Variants in GALNT17 observed in about 807,000 individuals in gnomAD.
The protein encoded by GALNT17 is UDP-GalNAc:polypeptide N-acetylgalactosaminyltransferase-like 3.
Under a neutral mutation model 63.7 loss-of-function variants are expected in GALNT17, and 29 were observed. That is an observed-to-expected ratio of 0.46 (90% CI 0.34 to 0.62). GALNT17 has a LOEUF of 0.62. Ranked by LOEUF, GALNT17 falls within the 20% of genes least tolerant of loss-of-function variation. The probability of loss-of-function intolerance (pLI) is 0.01; values close to 1 mark genes in which losing one functional copy is unlikely to be tolerated. For missense variants in GALNT17, 603 were observed against 799.6 expected, an observed-to-expected ratio of 0.75 and a Z score of 2.97; for synonymous variants, 305 against 318.3, an observed-to-expected ratio of 0.96 and a Z score of 0.45.
chr7:71,338,688 G>A (rs1361534461), intron 2 of GALNT17, among the ~76,000 whole-genome samples: 2 of 152,092 alleles, frequency 1.3e-5, no homozygotes, highest in Non-Finnish European at 2.9e-5. Flanking sequence ...CTCCACCTCC[G>A]CTTCTCAAAC....
At chr7:71,288,270 A>T (rs150792501) in intron 1 of GALNT17, among the ~76,000 whole-genome samples, 1 of 150,960 alleles carries the variant, frequency 6.6e-6, no homozygotes, top group Admixed American at 6.6e-5. Flanking sequence ...TGTGCTGTTC[A>T]TTAAATAGAA....
intron 1 of GALNT17, among the ~76,000 whole-genome samples, chr7:71,289,205 CTTTT>C (rs35418833): frequency 1.7e-5 from 2 of 117,922 alleles, no homozygotes; most frequent in African/African-American, 3.2e-5. Flanking sequence ...CTGACCACGT[CTTTT>C]TTTTTTTTTT....
At chr7:71,339,305 G>T (rs1791966966) in intron 2 of GALNT17, among the ~76,000 whole-genome samples, 2 of 152,202 alleles carry the variant, frequency 1.3e-5, no homozygotes, top group South Asian at 4.1e-4. Context: ...GTATGTGCCG[G>T]CTAGAGATTC....
At chr7:71,467,549 A>G (rs769739098) in intron 5 of GALNT17, among the ~76,000 whole-genome samples, 4 of 152,160 alleles carry the variant, frequency 2.6e-5, no homozygotes, top group Non-Finnish European at 4.4e-5. Flanking sequence ...CAAAGTTAGG[A>G]ACATCTCACT....
intron 3 of GALNT17, among the ~76,000 whole-genome samples, chr7:71,392,548 T>C (rs1793069135): frequency 6.6e-6 from 1 of 152,304 alleles, no homozygotes; most frequent in South Asian, 2.1e-4. Flanking sequence ...TTACGTAGCT[T>C]GTGTGGGGAG....
intron 5 of GALNT17, among the ~76,000 whole-genome samples, chr7:71,431,608 G>A (rs1786868114): frequency 6.6e-6 from 1 of 152,132 alleles, no homozygotes; most frequent in Non-Finnish European, 1.5e-5. Flanking sequence ...GTGGAGCTGG[G>A]ATTCGGATGT....
At chr7:71,250,892 A>G (rs537390269) in intron 1 of GALNT17, among the ~76,000 whole-genome samples, 6 of 152,172 alleles carry the variant, frequency 3.9e-5, no homozygotes, top group Non-Finnish European at 8.8e-5. Flanking sequence ...TTTTCAATAC[A>G]TTTTCCAAAA....
intron 1 of GALNT17, among the ~76,000 whole-genome samples, chr7:71,199,088 G>A (rs547505392): frequency 2.6e-5 from 4 of 152,242 alleles, no homozygotes; most frequent in Non-Finnish European, 4.4e-5. Flanking sequence ...TAACCGGGCC[G>A]TGGCTGAGAT....
intron 7 of GALNT17, among the ~76,000 whole-genome samples, chr7:71,666,254 C>A (rs538338581): frequency 2.0e-5 from 3 of 151,650 alleles, no homozygotes; most frequent in South Asian, 4.2e-4. Context: ...GATGCTCAAG[C>A]CCCTGATGCA....
chr7:71,215,059 A>T (rs1459994675), intron 1 of GALNT17, among the ~76,000 whole-genome samples: 3 of 152,164 alleles, frequency 2.0e-5, no homozygotes, highest in African/African-American at 7.2e-5. Context: ...TAATTGTCTT[A>T]TCATTTTATC....
At chr7:71,611,637 G>A (rs1790126739) in intron 6 of GALNT17, among the ~76,000 whole-genome samples, 1 of 151,850 alleles carries the variant, frequency 6.6e-6, no homozygotes, top group South Asian at 2.1e-4. Flanking sequence ...GTCTAGAGCA[G>A]TCATACATCC....
rs200422608 is a variant in GALNT17, at chr7:71,675,991, A to AAAAAG, written c.1405-1205_1405-1201dup. ...CAACAAGAGCGAAACTCTGTCCCAA[A>AAAAAG]AAAAGAAAAGAAAAGAAAAAGAACA... On this transcript the variant is annotated intron_variant, in intron 8 of 10. Transcript: ENST00000333538. Among the ~76,000 whole-genome samples, 656 of 152,320 alleles carry AAAAAG rather than the reference A, an allele frequency of 4.3e-3. 21 individuals carry two copies. The highest frequency in any genetic ancestry group is 0.029 in the Admixed American group (445 of 15,292).
At chr7:71,545,452 A>G (rs886755025) in intron 5 of GALNT17, among the ~76,000 whole-genome samples, 1 of 152,148 alleles carries the variant, frequency 6.6e-6, no homozygotes, top group Non-Finnish European at 1.5e-5. Context: ...TCTGGATTCA[A>G]GTGATTCTCA....
At chr7:71,475,260 A>G (rs1417043754) in intron 5 of GALNT17, among the ~76,000 whole-genome samples, 1 of 152,196 alleles carries the variant, frequency 6.6e-6, no homozygotes, top group Non-Finnish European at 1.5e-5. Flanking sequence ...CATTCCATTG[A>G]TTGTACACTT....
At chr7:71,675,856 C>T (rs921018307) in intron 8 of GALNT17, among the ~76,000 whole-genome samples, 7 of 152,008 alleles carry the variant, frequency 4.6e-5, no homozygotes, top group Admixed American at 1.3e-4. Context: ...GGCGTGGTAG[C>T]GGGCGACTGT....
intron 1 of GALNT17, among the ~76,000 whole-genome samples, chr7:71,241,179 G>A (rs895553528): frequency 2.6e-5 from 4 of 152,268 alleles, no homozygotes; most frequent in East Asian, 1.9e-4. Flanking sequence ...TCAAGGAGAC[G>A]AATGCCCTTG....
At chr7:71,529,120 C>G (rs964452600) in intron 5 of GALNT17, among the ~76,000 whole-genome samples, 14 of 151,922 alleles carry the variant, frequency 9.2e-5, no homozygotes, top group African/African-American at 2.4e-4. Flanking sequence ...GGGTGACAGA[C>G]CAAGACTCTG....
At chr7:71,305,958 C>A (rs1290127387) in intron 1 of GALNT17, among the ~76,000 whole-genome samples, 1 of 152,226 alleles carries the variant, frequency 6.6e-6, no homozygotes, top group Non-Finnish European at 1.5e-5. Context: ...GTGGCCCACG[C>A]CTGTAATCCC....
intron 1 of GALNT17, among the ~76,000 whole-genome samples, chr7:71,189,392 A>G (rs1356209121): frequency 1.3e-5 from 2 of 152,140 alleles, no homozygotes; most frequent in East Asian, 3.9e-4. Flanking sequence ...CTTGGAAGAC[A>G]GCTTTTCCGG....
Sources: allele counts gnomAD v4.1 joint callset (sites outside exome capture counted in the v4.1 genomes callset), GRCh38; gene constraint gnomAD v4.1.1; transcripts MANE v1.5; gene names NCBI Gene and HGNC (gene_info 2026-07-23, HGNC 2026-07-21).